The following DISP3 variants were observed in gnomAD, a reference collection of about 807,000 sequenced individuals.
DISP3 encodes protein dispatched homolog 3.
In DISP3, 101 loss-of-function variants were observed where a neutral mutation model predicts 135.3. The observed-to-expected ratio is 0.75, with a 90% CI of 0.64 to 0.88. The LOEUF is 0.88. Among genes scored for constraint, DISP3 ranks in the 40% least tolerant of loss-of-function variants. The probability of loss-of-function intolerance (pLI) is 0.00; values close to 1 mark genes in which losing one functional copy is unlikely to be tolerated. For synonymous variants in DISP3, 856 were observed against 817.0 expected, an observed-to-expected ratio of 1.05 and a Z score of -0.81; for missense variants, 1,713 against 1,878.6, an observed-to-expected ratio of 0.91 and a Z score of 1.63.
Position 11,531,537 on chromosome 1 carries a change from G to A in DISP3, c.3230-28G>A, listed in dbSNP as rs560268267. The A allele has an allele frequency of 4.2e-5, 68 of 1,612,872 alleles. 1 individual carries two copies. In the South Asian group the frequency reaches 4.5e-4, roughly 11 times the overall value. On this transcript the variant is annotated intron_variant, in intron 16 of 20. Coordinates refer to ENST00000294484, the MANE Select transcript of DISP3 (RefSeq NM_020780.2). This position sits in a 1 kb window ranked among gnomAD's most constrained non-coding sequence, Gnocchi z 5.2. Reference sequence around the variant, plus strand: ...GGACAGGCTCTTCCAGGGCCACCACGCACTCCCTTTCTTGCCTCTCCCCGC... The same window carrying A: ...GGACAGGCTCTTCCAGGGCCACCACACACTCCCTTTCTTGCCTCTCCCCGC...
intron 1 of DISP3, among the ~76,000 whole-genome samples, chr1:11,498,568 A>G (rs1641408168): frequency 6.6e-6 from 1 of 152,130 alleles, no homozygotes. Context: ...TGATTTTGGC[A>G]GCCTTGCCTG....
chr1:11,536,747 T>G lies in DISP3; in HGVS notation c.*61T>G. On this transcript the variant is annotated 3_prime_UTR_variant, in exon 21 of 21. Transcript: ENST00000294484. This position sits in a 1 kb window ranked among gnomAD's most constrained non-coding sequence, Gnocchi z 4.3. ...CCATGGGTGGGGGACAGGAGCTGCT[T>G]CCCAGCTCGACTTCAGCTAGCTGTG... 6.9e-7 allele frequency: 1 copy of G among 1,454,144 alleles called. No homozygotes were observed. Among genetic ancestry groups the G allele is most frequent in the Non-Finnish European group, 9.0e-7 (1 of 1,107,502 alleles). 90.1% of individuals were successfully genotyped at this position (1,454,144 alleles called of 1,614,324 possible).
intron 11 of DISP3, 97 bp downstream of exon 11, chr1:11,524,152 C>A: frequency 2.1e-6 from 2 of 949,616 alleles, no homozygotes; most frequent in Non-Finnish European, 1.6e-6. Context: ...GATTCTCCTT[C>A]AAGAAGGAGA....
At chr1:11,496,257 C>T (rs1641329078) in intron 1 of DISP3, among the ~76,000 whole-genome samples, 1 of 152,282 alleles carries the variant, frequency 6.6e-6, no homozygotes, top group Non-Finnish European at 1.5e-5. Flanking sequence ...GGTTGCCTTT[C>T]CCAAGAGGAG....
At chr1:11,504,760 A>C (rs1479656438) in intron 3 of DISP3, among the ~76,000 whole-genome samples, 2 of 152,120 alleles carry the variant, frequency 1.3e-5, no homozygotes, top group African/African-American at 4.8e-5. Flanking sequence ...AAAAGCCTTC[A>C]CCAGAAGCCA....
At chr1:11,535,829 C>T (rs1367995251) in intron 20 of DISP3, among the ~76,000 whole-genome samples, 185 bp downstream of exon 20, 2 of 152,106 alleles carry the variant, frequency 1.3e-5, no homozygotes, top group Non-Finnish European at 2.9e-5. Context: ...TTCTAAGGTC[C>T]ACACCTCCCA....
chr1:11,508,731 C>T (rs1641774540), intron 3 of DISP3, among the ~76,000 whole-genome samples: 1 of 152,080 alleles, frequency 6.6e-6, no homozygotes, highest in Admixed American at 6.5e-5. Flanking sequence ...GAGGTAAGCA[C>T]ATCAATGGGG....
At chr1:11,527,256 C>T (rs1642447709) in intron 13 of DISP3, among the ~76,000 whole-genome samples, 1 of 151,616 alleles carries the variant, frequency 6.6e-6, no homozygotes, top group Admixed American at 6.6e-5. Flanking sequence ...CAGCAGACTC[C>T]TTTAAGAAAC....
rs757438400 is a variant in DISP3, at chr1:11,502,049, T to C, written c.1057T>C (p.Tyr353His). 1 of 1,594,830 alleles carries C rather than the reference T, an allele frequency of 6.3e-7. No individual in the cohort carries two copies. Among genetic ancestry groups the C allele is most frequent in the Non-Finnish European group, 8.5e-7 (1 of 1,169,814 alleles). Residue 353 changes from tyrosine (Y) to histidine (H), a missense_variant, in exon 2 of 21, where the codon TAC becomes CAC. This residue lies in a region of DISP3 where 571 missense variants were observed against 494.1 expected (regional missense o/e 1.16). Coordinates refer to ENST00000294484, the MANE Select transcript of DISP3 (RefSeq NM_020780.2). ...TCCCACCGAGAGGGGCGGCAAGATC[T>C]ACTATGACGGCATGGGCCAGGACCT... ...FFPTERGGKI[Y>H]YDGMGQDLAD...
intron 1 of DISP3, among the ~76,000 whole-genome samples, chr1:11,487,448 G>A (rs906377452): frequency 6.6e-5 from 10 of 152,234 alleles, no homozygotes; most frequent in African/African-American, 1.9e-4. Flanking sequence ...CAGCAGGTGC[G>A]CTTGGAGGTG....
rs1642512613 is a variant in DISP3 at position 11,529,374 on chromosome 1, A to T, written c.2799-182A>T. Among the ~76,000 whole-genome samples the T allele has an allele frequency of 6.6e-6, 1 of 151,704 alleles. No homozygotes were observed. Among genetic ancestry groups the T allele is most frequent in the Non-Finnish European group, 1.5e-5 (1 of 67,914 alleles). On this transcript the variant is annotated intron_variant, in intron 13 of 20. Coordinates refer to ENST00000294484, the MANE Select transcript of DISP3 (RefSeq NM_020780.2). This position sits in a 1 kb window ranked among gnomAD's most constrained non-coding sequence, Gnocchi z 4.7. The stretch of plus-strand genomic sequence containing the variant: ...GGGGCAGGGCTAGAACAGCCTCCAG[A>T]CCCCCAGCCCAGGGCACATCCCCCA...
Position 11,519,353 on chromosome 1 carries a change from A to G in DISP3, c.1890-2A>G. The G allele has an allele frequency of 1.9e-6, 3 of 1,613,246 alleles. No homozygotes were observed. The highest frequency in any genetic ancestry group is 2.5e-6 in the Non-Finnish European group (3 of 1,179,776). ...CACCCCTGTCCCCTACTCTCTCCAC[A>G]GCTGCCACCAGAATTGCAGCCGGAA... On this transcript the variant is annotated splice_acceptor_variant, in intron 7 of 20. Transcript: ENST00000294484. LOFTEE classifies it high-confidence loss of function. This position sits in a 1 kb window ranked among gnomAD's most constrained non-coding sequence, Gnocchi z 4.3.
At chr1:11,523,898 A>T in intron 10 of DISP3, 44 bp from the exon 11 acceptor site, 2 of 1,529,102 alleles carry the variant, frequency 1.3e-6, no homozygotes, top group Admixed American at 1.7e-5. Flanking sequence ...CCAGGCCAGG[A>T]TGTCCTGCTG....
chr1:11,522,926 A>ACCCAGCCAGAACCCAGCCAGAG, intron 10 of DISP3, among the ~76,000 whole-genome samples: 1 of 15,352 alleles, frequency 6.5e-5, no homozygotes, highest in Admixed American at 6.4e-4. Flanking sequence ...CCCAGCAAGG[A>ACCCAGCCAGAACCCAGCCAGAG]CCCAGCCAGG....
chr1:11,508,054 C>G (rs966921993), intron 3 of DISP3, among the ~76,000 whole-genome samples: 1 of 152,114 alleles, frequency 6.6e-6, no homozygotes, highest in Non-Finnish European at 1.5e-5. Flanking sequence ...GACATACAAC[C>G]AACTTCACAT....
At chr1:11,515,132 G>C (rs1472709003) in intron 4 of DISP3, among the ~76,000 whole-genome samples, 1 of 152,256 alleles carries the variant, frequency 6.6e-6, no homozygotes, top group African/African-American at 2.4e-5. Context: ...TGTTCACAAG[G>C]CTCTTGAGGT....
intron 1 of DISP3, among the ~76,000 whole-genome samples, chr1:11,496,210 G>T (rs116081487): frequency 6.6e-6 from 1 of 152,184 alleles, no homozygotes; most frequent in Non-Finnish European, 1.5e-5. Context: ...TCCTTATGAG[G>T]CTCCCTAGGG....
At chr1:11,509,713 T>C (rs1396761076) in intron 3 of DISP3, among the ~76,000 whole-genome samples, 1 of 152,228 alleles carries the variant, frequency 6.6e-6, no homozygotes, top group Non-Finnish European at 1.5e-5. Flanking sequence ...TCTTTTTTGG[T>C]TCATGTTAGC....
intron 17 of DISP3, chr1:11,533,815 C>T: frequency 1.4e-6 from 1 of 717,874 alleles, no homozygotes; most frequent in South Asian, 1.5e-5. Flanking sequence ...CCTTAAGAAT[C>T]TTTTAGAGCA....
Sources: allele counts gnomAD v4.1 joint callset (sites outside exome capture counted in the v4.1 genomes callset), GRCh38; gene constraint gnomAD v4.1.1; regional missense constraint gnomAD v4.1.1; non-coding constraint Gnocchi (gnomAD v3.1); transcripts MANE v1.5; gene names NCBI Gene and HGNC (gene_info 2026-07-23, HGNC 2026-07-21).